The following PTPN13 variants were observed in gnomAD, a reference collection of about 807,000 sequenced individuals.
The protein encoded by PTPN13 is protein tyrosine phosphatase non-receptor type 13, also known as tyrosine-protein phosphatase non-receptor type 13.
PTPN13 carries 191 observed loss-of-function variants against 284.0 expected under a neutral mutation model. The observed-to-expected ratio is 0.67, with a 90% confidence interval of 0.60 to 0.76. The LOEUF is 0.76. Ranked by LOEUF, PTPN13 falls within the 30% of genes least tolerant of loss-of-function variation. The pLI is 0.00. For missense variants in PTPN13, 2,797 were observed against 2,939.9 expected, an observed-to-expected ratio of 0.95 and a Z score of 1.12; for synonymous variants, 986 against 1,022.3, an observed-to-expected ratio of 0.96 and a Z score of 0.68.
rs530041219 is a variant in PTPN13, at chr4:86,649,462, CA to C, written c.115+14092del. 2.8e-3 allele frequency among the ~76,000 whole-genome samples: 419 copies of C among 152,240 alleles called. 4 individuals carry two copies. The highest frequency in any genetic ancestry group is 9.6e-3 in the African/African-American group (399 of 41,556). ...TCGACATATGGATATTAAGTTTTCC[CA>C]GCATCATTTATGAAGAGACTGTCCT... is the stretch of plus-strand genomic sequence containing the variant. On this transcript the variant is annotated intron_variant, in intron 2 of 47. Transcript: ENST00000411767.
rs529666922 is a variant in PTPN13 at position 86,630,112 on chromosome 4, T to C, written c.-5-5140T>C. Among the ~76,000 whole-genome samples, 11 of 152,244 alleles carry C rather than the reference T, an allele frequency of 7.2e-5. No homozygotes were observed. The South Asian group carries it at 2.3e-3, about 32-fold the overall frequency. On this transcript the variant is annotated intron_variant, in intron 1 of 47. Transcript: ENST00000411767. The stretch of plus-strand genomic sequence containing the variant: ...TCAATTTAATTATTTTTTCTATTTA[T>C]ACATGCAGAAAATTTCAAGGGACCC...
chr4:86,715,235 C>T (rs78818211), intron 7 of PTPN13, among the ~76,000 whole-genome samples: 22,440 of 151,174 alleles, frequency 0.15, 2,051 homozygotes, highest in East Asian at 0.29. Context: ...TGTGTATATA[C>T]GTGTGTGTGT....
chr4:86,629,255 AAAAC>A (rs1238845046), intron 1 of PTPN13, among the ~76,000 whole-genome samples: 5 of 148,268 alleles, frequency 3.4e-5, no homozygotes, highest in African/African-American at 1.3e-4. Flanking sequence ...TTACAAGAAA[AAAAC>A]AAACAACCCC....
At chr4:86,813,975 T>A (rs953821412) in intron 47 of PTPN13, among the ~76,000 whole-genome samples, 1 of 150,090 alleles carries the variant, frequency 6.7e-6, no homozygotes, top group Non-Finnish European at 1.5e-5. Flanking sequence ...ATTTTTATAA[T>A]ACCACACAAT....
At chr4:86,677,729 C>A (rs1041498263) in intron 3 of PTPN13, among the ~76,000 whole-genome samples, 2 of 151,562 alleles carry the variant, frequency 1.3e-5, no homozygotes, top group Non-Finnish European at 2.9e-5. Context: ...CTTTAAATAT[C>A]ACTTCACCAT....
chr4:86,632,490 A>G (rs1172521288), intron 1 of PTPN13, among the ~76,000 whole-genome samples: 1 of 152,018 alleles, frequency 6.6e-6, no homozygotes, highest in Non-Finnish European at 1.5e-5. Flanking sequence ...GGTTCTTCAC[A>G]ATCCTTCACT....
chr4:86,720,074 A>G (rs1272663872), intron 9 of PTPN13, among the ~76,000 whole-genome samples: 1 of 152,156 alleles, frequency 6.6e-6, no homozygotes, highest in East Asian at 1.9e-4. Context: ...ACCTATGAGT[A>G]GTTACTATTA....
At position 86,748,959 on chromosome 4, in the gene PTPN13, T is replaced by G. The variant is rs141658455; in HGVS notation, c.2651-1511T>G. On this transcript the variant is annotated intron_variant, in intron 17 of 47. Transcript: ENST00000411767. ...CGTGAGCCACTGCGCCCAGCCTGAT[T>G]ATGGGAATTTTTAACAAAGGTGTAT... Among the ~76,000 whole-genome samples the G allele has an allele frequency of 4.1e-3, 620 of 152,286 alleles. 4 individuals carry two copies. Among genetic ancestry groups the G allele is most frequent in the African/African-American group, 0.014 (586 of 41,560 alleles).
chr4:86,598,500 A>G (rs1764024014), intron 1 of PTPN13, among the ~76,000 whole-genome samples: 1 of 151,244 alleles, frequency 6.6e-6, no homozygotes, highest in Admixed American at 6.6e-5. Context: ...TTTAAGTGCA[A>G]GCTGACAGTA....
chr4:86,659,332 C>G (rs1390518133), intron 2 of PTPN13, among the ~76,000 whole-genome samples: 1 of 151,800 alleles, frequency 6.6e-6, no homozygotes, highest in African/African-American at 2.4e-5. Flanking sequence ...TAACATATGC[C>G]AATTCAGACT....
intron 26 of PTPN13, 147 bp downstream of exon 26, chr4:86,765,635 T>C: frequency 1.8e-6 from 1 of 570,860 alleles, no homozygotes; most frequent in Admixed American, 3.4e-5. Flanking sequence ...AGAAACTCTT[T>C]GATGCCATTT....
chr4:86,619,527 C>A (rs923011613), intron 1 of PTPN13, among the ~76,000 whole-genome samples: 4 of 152,132 alleles, frequency 2.6e-5, no homozygotes, highest in Non-Finnish European at 5.9e-5. Context: ...TCAGGCCTTT[C>A]ATTTCTTAGG....
At chr4:86,722,504 T>TA in intron 10 of PTPN13, 70 bp downstream of exon 10, 1 of 1,300,742 alleles carries the variant, frequency 7.7e-7, no homozygotes, top group Non-Finnish European at 1.1e-6. Flanking sequence ...AAAGTACTTT[T>TA]AAAAATTGCT....
intron 6 of PTPN13, among the ~76,000 whole-genome samples, chr4:86,697,354 A>G (rs747465221): frequency 2.0e-5 from 3 of 152,148 alleles, no homozygotes; most frequent in Non-Finnish European, 4.4e-5. Flanking sequence ...AGATGGAAAG[A>G]TGTATGCAAA....
rs769163869 is a variant in PTPN13, at chr4:86,734,281, A to G, written c.1859-22A>G. 3 of 1,414,174 alleles carry G rather than the reference A, an allele frequency of 2.1e-6. No homozygotes were observed. The East Asian group carries it at 7.7e-5, about 36-fold the overall frequency. 87.6% of individuals were successfully genotyped at this position (1,414,174 alleles called of 1,614,324 possible). A position where few individuals can be genotyped will look rare whatever the true frequency, so the allele number is the denominator to read the frequency against. ...TAAAGTATTTTTTTATTTTATCTGA[A>G]TATTTTTCTCATTCTGTTTAGATAA... On this transcript the variant is annotated intron_variant, in intron 12 of 47. Coordinates refer to ENST00000411767, the MANE Select transcript of PTPN13 (RefSeq NM_080683.3).
At chr4:86,756,338 C>T (rs983520957) in intron 20 of PTPN13, among the ~76,000 whole-genome samples, 1 of 151,888 alleles carries the variant, frequency 6.6e-6, no homozygotes, top group African/African-American at 2.4e-5. Context: ...AAAAATAGAA[C>T]TAATTGCCTA....
chr4:86,666,841 T>G (rs1015483633), intron 2 of PTPN13, among the ~76,000 whole-genome samples: 1 of 152,172 alleles, frequency 6.6e-6, no homozygotes, highest in Non-Finnish European at 1.5e-5. Flanking sequence ...TGGCACCATG[T>G]TGTCTGCTAC....
chr4:86,758,529 T>C, intron 21 of PTPN13, 149 bp from the exon 22 acceptor site: 1 of 907,402 alleles, frequency 1.1e-6, no homozygotes, highest in Middle Eastern at 2.2e-4. Flanking sequence ...AAGAAATGCC[T>C]ACAAGAAATA....
chr4:86,679,833 G>A (rs1049591522), intron 3 of PTPN13, among the ~76,000 whole-genome samples: 23 of 152,288 alleles, frequency 1.5e-4, no homozygotes, highest in South Asian at 8.3e-4. Flanking sequence ...AAGGCTTTTC[G>A]TCTCCTCTTT....
Sources: gnomAD v4.1 joint callset for allele counts (sites outside exome capture counted in the v4.1 genomes callset) on GRCh38, gnomAD v4.1.1 for gene constraint, MANE v1.5 for transcripts, NCBI Gene and HGNC (gene_info 2026-07-23, HGNC 2026-07-21) for gene names.